The following DENND5B variants were observed in gnomAD, a reference collection of about 807,000 sequenced individuals.
The protein encoded by DENND5B is DENN domain containing 5B, also known as DENN domain-containing protein 5B.
Under a neutral mutation model 140.6 loss-of-function variants are expected in DENND5B, and 34 were observed. The observed-to-expected ratio is 0.24, with a 90% CI of 0.18 to 0.32. DENND5B has a LOEUF of 0.32. DENND5B is among the 10% of genes least tolerant of loss of function. The pLI, the probability that DENND5B is intolerant of heterozygous loss-of-function variation, is 1.00. For synonymous variants in DENND5B, 551 were observed against 562.1 expected, an observed-to-expected ratio of 0.98 and a Z score of 0.28; for missense variants, 1,142 against 1,560.2, an observed-to-expected ratio of 0.73 and a Z score of 4.52.
At position 31,494,897 on chromosome 12, in the gene DENND5B, T is replaced by C. The variant is rs148059428; in HGVS notation, c.237+913A>G. On this transcript the variant is annotated intron_variant, in intron 2 of 20. Transcript: ENST00000389082. ...CTTGCTCGGGCCTGCTCCCACCCTG[T>C]GGATTGTACCTTCATTTTTAATAAA... 4.1e-3 allele frequency among the ~76,000 whole-genome samples: 630 copies of C among 152,342 alleles called. 5 individuals carry two copies. The highest frequency in any genetic ancestry group is 0.014 in the African/African-American group (575 of 41,576).
intron 14 of DENND5B, among the ~76,000 whole-genome samples, chr12:31,408,596 C>T (rs1942264964): frequency 7.9e-6 from 1 of 127,190 alleles, no homozygotes; most frequent in Admixed American, 1.1e-4. Flanking sequence ...CACTGCACTC[C>T]AGCCTGGGTG....
intron 6 of DENND5B, among the ~76,000 whole-genome samples, chr12:31,445,889 G>C (rs1944253716): frequency 6.6e-6 from 1 of 151,128 alleles, no homozygotes; most frequent in Admixed American, 6.6e-5. Flanking sequence ...CATGCCTATA[G>C]TACCAGTTCC....
At chr12:31,410,356 T>C (rs1401127729) in intron 13 of DENND5B, among the ~76,000 whole-genome samples, 1 of 152,206 alleles carries the variant, frequency 6.6e-6, no homozygotes, top group Non-Finnish European at 1.5e-5. Context: ...ATACATTTAA[T>C]TCTCACTCTA....
At chr12:31,551,676 T>C (rs1949066377) in intron 1 of DENND5B, among the ~76,000 whole-genome samples, 1 of 152,324 alleles carries the variant, frequency 6.6e-6, no homozygotes, top group African/African-American at 2.4e-5. Context: ...TTTCACGATA[T>C]TGATTCTTCC....
chr12:31,576,180 A>G (rs1046709194), intron 1 of DENND5B, among the ~76,000 whole-genome samples: 1 of 149,372 alleles, frequency 6.7e-6, no homozygotes, highest in Non-Finnish European at 1.5e-5. Context: ...CCGCGCGCAC[A>G]GGGGCTCACA....
intron 8 of DENND5B, chr12:31,432,239 G>T: frequency 2.3e-6 from 1 of 429,110 alleles, no homozygotes; most frequent in Non-Finnish European, 3.1e-6. Context: ...GCATGCATAT[G>T]ATAAAATCAC....
intron 4 of DENND5B, among the ~76,000 whole-genome samples, chr12:31,457,340 T>C (rs1944821353): frequency 6.6e-6 from 1 of 152,360 alleles, no homozygotes; most frequent in South Asian, 2.1e-4. Flanking sequence ...ATCATGAGGA[T>C]AGCTAATTGG....
Position 31,451,767 on chromosome 12 carries a change from TAAAGA to T in DENND5B, c.1629+168_1629+172del, listed in dbSNP as rs770501996. On this transcript the variant is annotated intron_variant, in intron 5 of 20. Transcript: ENST00000389082. ...TTTTATCTAATGTAAAAATACTTGG[TAAAGA>T]AAAGTTCTTAATGGGGCTGGAAGAC... 34 of 691,422 alleles carry T rather than the reference TAAAGA, an allele frequency of 4.9e-5. No homozygotes were observed. The African/African-American group carries it at 5.0e-4, about 10-fold the overall frequency. 42.8% of individuals were successfully genotyped at this position (691,422 alleles called of 1,614,324 possible). A position where few individuals can be genotyped will look rare whatever the true frequency, so the allele number is the denominator to read the frequency against.
intron 3 of DENND5B, among the ~76,000 whole-genome samples, chr12:31,476,943 T>C (rs1175111843): frequency 1.3e-5 from 2 of 152,148 alleles, no homozygotes; most frequent in Admixed American, 6.6e-5. Context: ...AAGTTCTTTT[T>C]TTCGGCCAGG....
chr12:31,416,412 C>T (rs71440988), intron 11 of DENND5B, among the ~76,000 whole-genome samples: 51,460 of 151,642 alleles, frequency 0.34, 9,960 homozygotes, highest in Non-Finnish European at 0.46. Flanking sequence ...TACAGGAGTG[C>T]GCCACCACGC....
intron 13 of DENND5B, among the ~76,000 whole-genome samples, chr12:31,410,804 C>G (rs1006014220): frequency 6.6e-6 from 1 of 152,090 alleles, no homozygotes; most frequent in Admixed American, 6.6e-5. Flanking sequence ...TATTTGAACA[C>G]AAGCATTCAG....
chr12:31,589,379 T>C (rs1340697983), intron 1 of DENND5B, among the ~76,000 whole-genome samples: 1 of 152,212 alleles, frequency 6.6e-6, no homozygotes, highest in African/African-American at 2.4e-5. Flanking sequence ...TATTCTATTA[T>C]CTCTCCAAAT....
chr12:31,447,387 G>A, intron 6 of DENND5B, 151 bp downstream of exon 6: 2 of 677,582 alleles, frequency 3.0e-6, no homozygotes, highest in Non-Finnish European at 4.7e-6. Flanking sequence ...GACTCAGAAA[G>A]AAAAATTTAC....
intron 3 of DENND5B, among the ~76,000 whole-genome samples, chr12:31,470,334 G>A (rs774493202): frequency 4.0e-5 from 6 of 151,860 alleles, no homozygotes; most frequent in Non-Finnish European, 8.8e-5. Flanking sequence ...GGCTGGTCTC[G>A]AACTCACAAC....
chr12:31,551,519 T>A (rs1949059837), intron 1 of DENND5B, among the ~76,000 whole-genome samples: 1 of 152,216 alleles, frequency 6.6e-6, no homozygotes, highest in South Asian at 2.1e-4. Context: ...TTTGTTCTTT[T>A]GGCTTAGGAT....
At position 31,389,527 on chromosome 12, in the gene DENND5B, A is replaced by C. The variant is rs76782995; in HGVS notation, c.3467-29T>G. On this transcript the variant is annotated intron_variant, in intron 19 of 20. Coordinates refer to ENST00000389082, the MANE Select transcript of DENND5B (RefSeq NM_144973.4). ...AGGAAAAAAGTCAGAATTATGTCAC[A>C]ATATGTGTCAACACTTCATATATAG... is the stretch of plus-strand genomic sequence containing the variant. 4,895 of 1,548,276 alleles carry C rather than the reference A, an allele frequency of 3.2e-3. 129 individuals carry two copies. In the African/African-American group the frequency reaches 0.058, roughly 18 times the overall value.
chr12:31,567,818 AAAC>A (rs1481826015), intron 1 of DENND5B, among the ~76,000 whole-genome samples: 3 of 152,316 alleles, frequency 2.0e-5, no homozygotes, highest in Admixed American at 6.5e-5. Context: ...CCTCTTTAAA[AAAC>A]AACAACAACA....
intron 8 of DENND5B, chr12:31,432,638 G>A (rs1943559878): frequency 6.6e-6 from 1 of 152,384 alleles, no homozygotes; most frequent in Non-Finnish European, 1.5e-5. Context: ...CTTACTTGTT[G>A]TATAATTATG....
At chr12:31,523,201 G>A (rs1296596876) in intron 1 of DENND5B, among the ~76,000 whole-genome samples, 2 of 151,856 alleles carry the variant, frequency 1.3e-5, no homozygotes, top group African/African-American at 2.4e-5. Flanking sequence ...TGAGATTACC[G>A]GCATGCACCA....
Sources: gnomAD v4.1 joint callset for allele counts (sites outside exome capture counted in the v4.1 genomes callset) on GRCh38, gnomAD v4.1.1 for gene constraint, MANE v1.5 for transcripts, NCBI Gene and HGNC (gene_info 2026-07-23, HGNC 2026-07-21) for gene names.